The following RALGAPA2 variants were observed in gnomAD, a reference collection of about 807,000 sequenced individuals.
RALGAPA2 encodes the protein Ral GTPase activating protein catalytic subunit alpha 2, also known as ral GTPase-activating protein subunit alpha-2.
In RALGAPA2, 139 loss-of-function variants were observed where a neutral mutation model predicts 230.4. That is an observed-to-expected ratio of 0.60 (90% CI 0.53 to 0.69). RALGAPA2 has a LOEUF of 0.69. Ranked by LOEUF, RALGAPA2 falls within the 30% of genes least tolerant of loss-of-function variation. The probability of loss-of-function intolerance (pLI) is 0.00; values close to 1 mark genes in which losing one functional copy is unlikely to be tolerated. For missense variants in RALGAPA2, 2,163 were observed against 2,276.0 expected, an observed-to-expected ratio of 0.95 and a Z score of 1.01; for synonymous variants, 847 against 837.8, an observed-to-expected ratio of 1.01 and a Z score of -0.19.
chr20:20,505,304 G>T, intron 34 of RALGAPA2, 107 bp downstream of exon 34: 1 of 1,286,296 alleles, frequency 7.8e-7, no homozygotes, highest in South Asian at 2.2e-5. Context: ...CTCTATCTAT[G>T]CTATATTTGA....
At chr20:20,704,575 T>C (rs753802528) in intron 1 of RALGAPA2, among the ~76,000 whole-genome samples, 2 of 152,034 alleles carry the variant, frequency 1.3e-5, no homozygotes, top group African/African-American at 2.4e-5. Context: ...CCTCTGAGAG[T>C]AGGATTCAAT....
At chr20:20,545,577 C>T (rs992678912) in intron 24 of RALGAPA2, among the ~76,000 whole-genome samples, 2 of 152,198 alleles carry the variant, frequency 1.3e-5, no homozygotes, top group African/African-American at 4.8e-5. Flanking sequence ...AAAGTAATCT[C>T]ATATCAAACA....
At chr20:20,445,769 T>C (rs1855498399) in intron 37 of RALGAPA2, among the ~76,000 whole-genome samples, 1 of 152,202 alleles carries the variant, frequency 6.6e-6, no homozygotes. Flanking sequence ...CCAATGTGTT[T>C]AATATTTTTA....
At position 20,587,591 on chromosome 20, in the gene RALGAPA2, G is replaced by C. The variant is rs1265063298; in HGVS notation, c.2439+1677C>G. Among the ~76,000 whole-genome samples the C allele has an allele frequency of 3.3e-5, 5 of 152,098 alleles. No individual in the cohort carries two copies. In the East Asian group the frequency reaches 9.6e-4, roughly 29 times the overall value. On this transcript the variant is annotated intron_variant, in intron 18 of 39. Coordinates refer to ENST00000202677, the MANE Select transcript of RALGAPA2 (RefSeq NM_020343.4). The stretch of plus-strand genomic sequence containing the variant: ...TTATAAATATAATATTTTTATTCCT[G>C]TGTAGTTGAGACTTTTAAAAAATTC...
At position 20,676,621 on chromosome 20, in the gene RALGAPA2, G is replaced by A. The variant is rs140469434; in HGVS notation, c.218-333C>T. ...TTGTGGCAGAATGCACAGCACAAAC[G>A]AAAAATTTCTAAGTTGGTAATATAA... is the stretch of plus-strand genomic sequence containing the variant. On this transcript the variant is annotated intron_variant, in intron 2 of 39. Transcript: ENST00000202677. Among the ~76,000 whole-genome samples the A allele has an allele frequency of 3.5e-3, 538 of 152,238 alleles. 5 individuals carry two copies. Among genetic ancestry groups the A allele is most frequent in the African/African-American group, 0.012 (496 of 41,530 alleles).
At chr20:20,426,876 T>A (rs1274866399) in intron 37 of RALGAPA2, among the ~76,000 whole-genome samples, 1 of 152,114 alleles carries the variant, frequency 6.6e-6, no homozygotes, top group Non-Finnish European at 1.5e-5. Context: ...CCAATGAAAA[T>A]GATCAAGTGC....
intron 34 of RALGAPA2, chr20:20,505,205 G>T: frequency 1.0e-6 from 1 of 978,382 alleles, no homozygotes; most frequent in Admixed American, 6.2e-5. Flanking sequence ...AATATTAAGA[G>T]GAAAGTTAAA....
chr20:20,411,903 T>C, intron 38 of RALGAPA2, 124 bp downstream of exon 38: 3 of 1,262,596 alleles, frequency 2.4e-6, no homozygotes, highest in Non-Finnish European at 3.3e-6. Flanking sequence ...TGATATTCAT[T>C]AGTTGATTCA....
intron 3 of RALGAPA2, among the ~76,000 whole-genome samples, chr20:20,658,621 T>C (rs1051634725): frequency 6.6e-6 from 1 of 152,238 alleles, no homozygotes; most frequent in African/African-American, 2.4e-5. Context: ...TGGTAATCCA[T>C]TATAGTACAC....
At chr20:20,651,897 C>T (rs2067411313) in intron 4 of RALGAPA2, among the ~76,000 whole-genome samples, 2 of 152,138 alleles carry the variant, frequency 1.3e-5, no homozygotes, top group Admixed American at 1.3e-4. Context: ...CCACAAATCC[C>T]CATGATGTCT....
intron 1 of RALGAPA2, among the ~76,000 whole-genome samples, chr20:20,702,029 G>A (rs2069396318): frequency 6.8e-6 from 1 of 147,704 alleles, no homozygotes; most frequent in African/African-American, 2.5e-5. Flanking sequence ...GACAGAGCAA[G>A]ACTCCATCTC....
rs185939435 is a variant in RALGAPA2 at position 20,605,431 on chromosome 20, C to A, written c.1801-19G>T. On this transcript the variant is annotated intron_variant, in intron 14 of 39. Transcript: ENST00000202677. ...TGAGCGTCTAAAACCAACCAACCAACAAGAGAATTCACACATCTTCATTTG... is the reference window on the plus strand; with the variant it reads ...TGAGCGTCTAAAACCAACCAACCAAAAAGAGAATTCACACATCTTCATTTG... 2 of 1,538,812 alleles carry A rather than the reference C, an allele frequency of 1.3e-6. No homozygotes were observed. Among genetic ancestry groups the A allele is most frequent in the South Asian group, 1.1e-5 (1 of 88,662 alleles).
Position 20,521,005 on chromosome 20 carries a change from G to A in RALGAPA2, c.3996C>T (p.Pro1332=). Residue 1332 remains proline, a synonymous_variant, in exon 31 of 40, where the codon CCC becomes CCT. Transcript: ENST00000202677. ...TCTTCACATTTGCCAGTGGCAGGAA[G>A]GGGTCATAATCCGTGGATGACAAGT... The part of the protein sequence containing the change: ...LADLSSTDYD[P]FLPLANVKSS... 1 of 1,613,952 alleles carries A rather than the reference G, an allele frequency of 6.2e-7. No individual in the cohort carries two copies. The highest frequency in any genetic ancestry group is 8.5e-7 in the Non-Finnish European group (1 of 1,179,862).
chr20:20,524,922 T>C (rs778595348), intron 28 of RALGAPA2, 24 bp from the exon 29 acceptor site: 1 of 1,580,772 alleles, frequency 6.3e-7, no homozygotes, highest in South Asian at 1.2e-5. Context: ...AAATCCCCAA[T>C]CAAACAGACC....
chr20:20,705,014 C>T (rs1299686108), intron 1 of RALGAPA2, among the ~76,000 whole-genome samples: 1 of 152,244 alleles, frequency 6.6e-6, no homozygotes, highest in Non-Finnish European at 1.5e-5. Flanking sequence ...TCCTCCTCTG[C>T]ACCTGTGCCC....
chr20:20,446,805 C>T (rs2060875131), intron 37 of RALGAPA2, among the ~76,000 whole-genome samples: 1 of 152,188 alleles, frequency 6.6e-6, no homozygotes, highest in Non-Finnish European at 1.5e-5. Flanking sequence ...GGTGAGGACA[C>T]TGCAGGCATT....
intron 36 of RALGAPA2, among the ~76,000 whole-genome samples, chr20:20,481,721 C>A (rs2061779924): frequency 6.6e-6 from 1 of 152,174 alleles, no homozygotes; most frequent in African/African-American, 2.4e-5. Flanking sequence ...AAAACTGATA[C>A]CTCTCTACTC....
At position 20,457,524 on chromosome 20, in the gene RALGAPA2, C is replaced by T. The variant is rs572998631; in HGVS notation, c.5495+15305G>A. On this transcript the variant is annotated intron_variant, in intron 37 of 39. Coordinates refer to ENST00000202677, the MANE Select transcript of RALGAPA2 (RefSeq NM_020343.4). ...TGACAAGGAGCTGAATTCGTTCATTCGGCGTGTACTCACTGAAAAAATATT... is the reference window on the plus strand; with the variant it reads ...TGACAAGGAGCTGAATTCGTTCATTTGGCGTGTACTCACTGAAAAAATATT... Among the ~76,000 whole-genome samples, 10 of 152,262 alleles carry T rather than the reference C, an allele frequency of 6.6e-5. No individual in the cohort carries two copies. The East Asian group carries it at 1.4e-3, about 21-fold the overall frequency.
intron 36 of RALGAPA2, among the ~76,000 whole-genome samples, chr20:20,482,143 ATTCTAAAGACTACAGTGAATCTTTCTG>A (rs2061792410): frequency 6.6e-6 from 1 of 152,196 alleles, no homozygotes; most frequent in Non-Finnish European, 1.5e-5. Context: ...TTGTCTGAAA[ATTCTAAAGACTACAGTGAATCTTTCTG>A]TGTCAAAAGG....
Sources: allele counts gnomAD v4.1 joint callset (sites outside exome capture counted in the v4.1 genomes callset), GRCh38; gene constraint gnomAD v4.1.1; transcripts MANE v1.5; gene names NCBI Gene and HGNC (gene_info 2026-07-23, HGNC 2026-07-21).